The following PEX5L variants were observed in gnomAD, a reference collection of about 807,000 sequenced individuals.
The protein encoded by PEX5L is peroxisomal biogenesis factor 5 like.
PEX5L carries 30 observed loss-of-function variants against 84.0 expected under a neutral mutation model. The observed-to-expected ratio is 0.36, with a 90% CI of 0.27 to 0.48. PEX5L has a LOEUF of 0.48. PEX5L is among the 20% of genes least tolerant of loss of function. PEX5L has a pLI of 0.99. For missense variants in PEX5L, 533 were observed against 754.6 expected (o/e 0.71, Z 3.44); for synonymous variants, 270 against 283.1 (o/e 0.95, Z 0.46).
chr3:179,814,492 T>G (rs767010152), intron 10 of PEX5L, among the ~76,000 whole-genome samples: 1 of 152,260 alleles, frequency 6.6e-6, no homozygotes, highest in Non-Finnish European at 1.5e-5. Flanking sequence ...ACAGCCTAGA[T>G]GCTTAACCAC....
At chr3:179,910,458 G>A (rs1001964643) in intron 2 of PEX5L, among the ~76,000 whole-genome samples, 22 of 152,126 alleles carry the variant, frequency 1.4e-4, no homozygotes, top group Non-Finnish European at 2.4e-4. Context: ...TACACTTAGA[G>A]GCTTCTATTA....
intron 7 of PEX5L, among the ~76,000 whole-genome samples, chr3:179,871,611 C>T (rs1185581885): frequency 1.3e-5 from 2 of 152,182 alleles, no homozygotes; most frequent in South Asian, 4.1e-4. Flanking sequence ...CAAACTGTAA[C>T]CTACTCCTGT....
At chr3:179,929,358 C>G (rs563743225) in intron 2 of PEX5L, among the ~76,000 whole-genome samples, 1 of 152,044 alleles carries the variant, frequency 6.6e-6, no homozygotes, top group African/African-American at 2.4e-5. Context: ...AAGTTGATTC[C>G]TCATTTAAAA....
intron 8 of PEX5L, among the ~76,000 whole-genome samples, chr3:179,832,782 G>A (rs1427846133): frequency 7.3e-6 from 1 of 136,870 alleles, no homozygotes; most frequent in Non-Finnish European, 1.5e-5. Context: ...CTACTTACCC[G>A]CCCATCTACT....
Position 179,795,192 on chromosome 3 carries a change from G to C in PEX5L, c.*6636C>G, listed in dbSNP as rs1716447806. 6.6e-6 allele frequency: 1 copy of C among 152,168 alleles called. No individual in the cohort carries two copies. Among genetic ancestry groups the C allele is most frequent in the African/African-American group, 2.4e-5 (1 of 41,450 alleles). The allele number at this position is 152,168 out of a possible 1,614,324, so 9.4% of individuals were successfully genotyped here. A position where few individuals can be genotyped will look rare whatever the true frequency, so the allele number is the denominator to read the frequency against. On this transcript the variant is annotated 3_prime_UTR_variant, in exon 15 of 15. Transcript: ENST00000467460. ...ATTGGATTCCATTTGATCAGAAGGA[G>C]TTCTGATCCCCAAATCCCATTTTGA...
intron 2 of PEX5L, among the ~76,000 whole-genome samples, chr3:179,961,784 T>G (rs542367314): frequency 1.3e-5 from 2 of 152,316 alleles, no homozygotes; most frequent in East Asian, 3.9e-4. Context: ...AGACGCTGAT[T>G]CAATCAGTAA....
intron 7 of PEX5L, among the ~76,000 whole-genome samples, chr3:179,860,999 G>A (rs1236636662): frequency 2.6e-5 from 4 of 152,198 alleles, no homozygotes; most frequent in Non-Finnish European, 5.9e-5. Flanking sequence ...AGTCAACAAC[G>A]AAGCCCTAAG....
chr3:179,808,638 T>A (rs530051644), intron 12 of PEX5L, among the ~76,000 whole-genome samples: 3 of 152,324 alleles, frequency 2.0e-5, no homozygotes, highest in Admixed American at 2.0e-4. Context: ...TATTTTGTTG[T>A]ACACGGATAC....
intron 2 of PEX5L, among the ~76,000 whole-genome samples, chr3:179,967,344 A>G (rs896811073): frequency 6.6e-6 from 1 of 152,118 alleles, no homozygotes; most frequent in African/African-American, 2.4e-5. Flanking sequence ...TCATTTGCTA[A>G]ACTGGGGATG....
intron 9 of PEX5L, among the ~76,000 whole-genome samples, chr3:179,816,438 G>A (rs993542833): frequency 3.9e-5 from 6 of 152,084 alleles, no homozygotes; most frequent in Admixed American, 2.6e-4. Context: ...TCCTTTTCAG[G>A]GACATGGATG....
At chr3:179,993,076 A>T (rs1489997955) in intron 1 of PEX5L, among the ~76,000 whole-genome samples, 1 of 152,128 alleles carries the variant, frequency 6.6e-6, no homozygotes, top group Non-Finnish European at 1.5e-5. Flanking sequence ...CACTATAGAA[A>T]ATATAGATAA....
chr3:179,906,381 G>A (rs1763218194), intron 2 of PEX5L, among the ~76,000 whole-genome samples: 1 of 152,160 alleles, frequency 6.6e-6, no homozygotes, highest in Non-Finnish European at 1.5e-5. Flanking sequence ...TAAGTTACTA[G>A]AGATTATTTT....
chr3:179,897,259 T>C (rs1759659730), intron 3 of PEX5L, among the ~76,000 whole-genome samples: 1 of 152,140 alleles, frequency 6.6e-6, no homozygotes, highest in South Asian at 2.1e-4. Flanking sequence ...CTGAATCATA[T>C]AATCGGAACT....
chr3:179,850,511 T>C (rs1377073192), intron 8 of PEX5L, among the ~76,000 whole-genome samples: 2 of 152,190 alleles, frequency 1.3e-5, no homozygotes, highest in African/African-American at 2.4e-5. Flanking sequence ...CTGCTTCATA[T>C]TGTTTTTGGA....
Position 179,843,216 on chromosome 3 carries a change from T to C in PEX5L, c.822+15846A>G, listed in dbSNP as rs144514968. ...ACAGATCATCACGGCAGGACAGCCT[T>C]AGAAATCATTGAGTCCAGAGATTCC... is the stretch of plus-strand genomic sequence containing the variant. On this transcript the variant is annotated intron_variant, in intron 8 of 14. Coordinates refer to ENST00000467460, the MANE Select transcript of PEX5L (RefSeq NM_016559.3). 4.8e-3 allele frequency among the ~76,000 whole-genome samples: 731 copies of C among 152,292 alleles called. 4 individuals carry two copies. In the Middle Eastern group the frequency reaches 0.051, roughly 11 times the overall value.
At chr3:179,926,968 C>CA (rs1165493257) in intron 2 of PEX5L, among the ~76,000 whole-genome samples, 3 of 152,086 alleles carry the variant, frequency 2.0e-5, no homozygotes, top group African/African-American at 7.2e-5. Flanking sequence ...ATCCGGGTCT[C>CA]AGTTTTGAAT....
At chr3:179,823,419 A>G (rs1403752873) in intron 8 of PEX5L, among the ~76,000 whole-genome samples, 3 of 152,216 alleles carry the variant, frequency 2.0e-5, no homozygotes. Flanking sequence ...TCACAATAAC[A>G]GAAAAACAAC....
chr3:179,872,619 G>T (rs1750762384), intron 7 of PEX5L, among the ~76,000 whole-genome samples: 2 of 152,218 alleles, frequency 1.3e-5, no homozygotes, highest in African/African-American at 4.8e-5. Flanking sequence ...CAGGAGAGTT[G>T]CAGTCACTGG....
chr3:179,889,010 C>G (rs1393417842), intron 3 of PEX5L, among the ~76,000 whole-genome samples: 1 of 152,098 alleles, frequency 6.6e-6, no homozygotes, highest in Non-Finnish European at 1.5e-5. Context: ...CTCCTGGGCT[C>G]AAGCAATTCT....
Sources: allele counts gnomAD v4.1 joint callset (sites outside exome capture counted in the v4.1 genomes callset), GRCh38; gene constraint gnomAD v4.1.1; transcripts MANE v1.5; gene names NCBI Gene and HGNC (gene_info 2026-07-23, HGNC 2026-07-21).